DGAT2L6: variants seen among roughly 807,000 people sequenced by gnomAD.
The protein encoded by DGAT2L6 is diacylglycerol O-acyltransferase 2-like protein 6.
DGAT2L6 carries 22 observed loss-of-function variants against 25.5 expected under a neutral mutation model. The ratio of observed to expected loss-of-function variants is 0.86; its 90% CI spans 0.62 to 1.23. DGAT2L6 has a LOEUF of 1.23. Ranked by LOEUF, DGAT2L6 falls within the 50% of genes most tolerant of loss-of-function variation. The pLI, the probability that DGAT2L6 is intolerant of heterozygous loss-of-function variation, is 0.00. For missense variants in DGAT2L6, 287 were observed against 253.2 expected, an observed-to-expected ratio of 1.13 and a Z score of -0.91; for synonymous variants, 100 against 94.7, an observed-to-expected ratio of 1.06 and a Z score of -0.32.
At chrX:70,199,994 G>A (rs1569206636) in intron 3 of DGAT2L6, 112 bp downstream of exon 3, 11 of 794,156 alleles carry the variant, frequency 1.4e-5, no homozygotes, top group Middle Eastern at 3.0e-4. Flanking sequence ...TCAAGGCCCC[G>A]AGTCATAATG....
intron 5 of DGAT2L6, among the ~76,000 whole-genome samples, chrX:70,202,434 A>T (rs763548606): frequency 6.2e-4 from 69 of 112,166 alleles, no homozygotes; most frequent in African/African-American, 2.1e-3. Context: ...GATCAAAAAG[A>T]TAAGACATGA....
At chrX:70,189,836 A>G (rs2085370353) in intron 1 of DGAT2L6, among the ~76,000 whole-genome samples, 1 of 112,172 alleles carries the variant, frequency 8.9e-6, no homozygotes, top group African/African-American at 3.2e-5. Flanking sequence ...GTAGATGTAG[A>G]TGAAGATTAA....
chrX:70,197,313 T>C (rs1196932898), intron 1 of DGAT2L6, among the ~76,000 whole-genome samples: 2 of 111,966 alleles, frequency 1.8e-5, no homozygotes, highest in East Asian at 5.6e-4. Context: ...CCACTTTTGT[T>C]ACCGTGCACG....
At chrX:70,199,411 G>A (rs1295101733) in intron 2 of DGAT2L6, 30 bp downstream of exon 2, 1 of 1,033,520 alleles carries the variant, frequency 9.7e-7, no homozygotes, top group Non-Finnish European at 1.3e-6. Context: ...TGGTGGTCCT[G>A]TTTGGGCCAA....
rs749171751 is a variant in DGAT2L6 at position 70,188,026 on chromosome X, A to G, written c.85+10359A>G. 2.7e-5 allele frequency among the ~76,000 whole-genome samples: 3 copies of G among 112,035 alleles called. No homozygotes were observed. The South Asian group carries it at 1.1e-3, about 42-fold the overall frequency. ...CTGTTCTCATGGGGTCTTTATGAAG[A>G]TTAAATAAACTATGCCATGTGAAAC... is the stretch of plus-strand genomic sequence containing the variant. On this transcript the variant is annotated intron_variant, in intron 1 of 6. Coordinates refer to ENST00000333026, the MANE Select transcript of DGAT2L6 (RefSeq NM_198512.3).
At chrX:70,200,163 A>G (rs1013899633) in intron 3 of DGAT2L6, 92 bp from the exon 4 acceptor site, 1 of 896,914 alleles carries the variant, frequency 1.1e-6, no homozygotes, top group Admixed American at 2.4e-5. Flanking sequence ...GGGCTCCCAG[A>G]GGGAAACATA....
chrX:70,181,050 C>CT (rs1302172017), intron 1 of DGAT2L6, among the ~76,000 whole-genome samples: 1 of 112,092 alleles, frequency 8.9e-6, no homozygotes, highest in African/African-American at 3.2e-5. Context: ...GCTTTCAATG[C>CT]TTTTGATATA....
At chrX:70,187,248 A>G (rs1365411109) in intron 1 of DGAT2L6, among the ~76,000 whole-genome samples, 3 of 111,215 alleles carry the variant, frequency 2.7e-5, no homozygotes, top group African/African-American at 6.6e-5. Context: ...TATTGAACCT[A>G]TGACATTTAT....
chrX:70,182,332 T>G (rs1456657781), intron 1 of DGAT2L6, among the ~76,000 whole-genome samples: 1 of 110,047 alleles, frequency 9.1e-6, no homozygotes, highest in Non-Finnish European at 1.9e-5. Flanking sequence ...AGAGGATGGC[T>G]TTCCCTCATC....
At chrX:70,184,467 T>C (rs2085353361) in intron 1 of DGAT2L6, among the ~76,000 whole-genome samples, 1 of 104,450 alleles carries the variant, frequency 9.6e-6, no homozygotes, top group Admixed American at 1.0e-4. Context: ...ATTTTCTTTC[T>C]TTTTTTTTGG....
Position 70,205,389 on chromosome X carries a change from C to A in DGAT2L6, c.*283C>A, listed in dbSNP as rs2085425797. 3.9e-6 allele frequency: 1 copy of A among 257,684 alleles called. No individual in the cohort carries two copies. Among genetic ancestry groups the A allele is most frequent in the African/African-American group, 2.8e-5 (1 of 36,064 alleles). 21.2% of individuals were successfully genotyped at this position (257,684 alleles called of 1,213,427 possible). On this transcript the variant is annotated 3_prime_UTR_variant, in exon 7 of 7. Coordinates refer to ENST00000333026, the MANE Select transcript of DGAT2L6 (RefSeq NM_198512.3). The stretch of plus-strand genomic sequence containing the variant: ...CCCCTGGTTATTTTAGGGCAACAAC[C>A]CAGTTGGGGAGTCTTATGAATCATT...
At chrX:70,199,527 C>A in intron 2 of DGAT2L6, 146 bp downstream of exon 2, 1 of 485,830 alleles carries the variant, frequency 2.1e-6, no homozygotes. Flanking sequence ...TCAGCAGGGA[C>A]AGAGGTCTCT....
At chrX:70,192,168 G>A (rs780223233) in intron 1 of DGAT2L6, among the ~76,000 whole-genome samples, 4 of 111,826 alleles carry the variant, frequency 3.6e-5, no homozygotes, top group Admixed American at 9.5e-5. Context: ...CAAGAAGATC[G>A]CTTGAGCCCA....
intron 1 of DGAT2L6, among the ~76,000 whole-genome samples, chrX:70,196,499 AAAAG>A (rs1337554461): frequency 9.4e-6 from 1 of 106,046 alleles, no homozygotes; most frequent in African/African-American, 3.4e-5. Flanking sequence ...AAAAAAAAAA[AAAAG>A]AAAGAAAAAA....
intron 1 of DGAT2L6, among the ~76,000 whole-genome samples, chrX:70,195,682 C>T (rs997087727): frequency 2.7e-5 from 3 of 111,521 alleles, no homozygotes; most frequent in East Asian, 5.6e-4. Flanking sequence ...CACTTCAGCT[C>T]AGGAATTTGA....
intron 1 of DGAT2L6, among the ~76,000 whole-genome samples, chrX:70,179,999 G>A (rs762282516): frequency 9.0e-6 from 1 of 111,636 alleles, no homozygotes; most frequent in South Asian, 3.8e-4. Flanking sequence ...AGGGTAGAGA[G>A]TGTATCAGAC....
At chrX:70,190,639 C>T (rs1397433998) in intron 1 of DGAT2L6, among the ~76,000 whole-genome samples, 1 of 112,227 alleles carries the variant, frequency 8.9e-6, no homozygotes, top group Non-Finnish European at 1.9e-5. Flanking sequence ...ATCTTGGTCC[C>T]AGCAGTATAC....
Position 70,202,615 on chromosome X carries a change from A to T in DGAT2L6, c.647+551A>T, listed in dbSNP as rs2085414777. Among the ~76,000 whole-genome samples the T allele has an allele frequency of 1.8e-5, 2 of 111,924 alleles. 1 individual carries two copies. Among genetic ancestry groups the T allele is most frequent in the South Asian group, 7.4e-4 (2 of 2,686 alleles). On this transcript the variant is annotated intron_variant, in intron 5 of 6. Coordinates refer to ENST00000333026, the MANE Select transcript of DGAT2L6 (RefSeq NM_198512.3). ...TGGAAGAAGACAGACCCATGCACAT[A>T]TAATTACCAAATACCTGCAGAATCC...
intron 1 of DGAT2L6, among the ~76,000 whole-genome samples, chrX:70,186,927 A>G (rs1401376666): frequency 8.9e-6 from 1 of 112,061 alleles, no homozygotes; most frequent in Admixed American, 9.5e-5. Context: ...TACCAAGCCA[A>G]TGTGTTCAGA....
Sources: allele counts gnomAD v4.1 joint callset (sites outside exome capture counted in the v4.1 genomes callset), GRCh38; gene constraint gnomAD v4.1.1; transcripts MANE v1.5; gene names NCBI Gene and HGNC (gene_info 2026-07-23, HGNC 2026-07-21).